Variants in CALB2 observed in about 807,000 individuals in gnomAD.
The protein encoded by CALB2 is calretinin.
In CALB2, 34 loss-of-function variants were observed where a neutral mutation model predicts 45.9. The observed-to-expected ratio is 0.74, with a 90% CI of 0.56 to 0.99. The LOEUF (loss-of-function observed/expected upper bound fraction) is 0.99. Among genes scored for constraint, CALB2 ranks in the 50% least tolerant of loss-of-function variants. The probability of loss-of-function intolerance (pLI) is 0.00; values close to 1 mark genes in which losing one functional copy is unlikely to be tolerated. For missense variants in CALB2, 344 were observed against 339.3 expected (o/e 1.01, Z -0.11); for synonymous variants, 142 against 129.6 (o/e 1.10, Z -0.65).
At chr16:71,377,593 T>C in intron 3 of CALB2, 74 bp from the exon 4 acceptor site, 2 of 1,053,046 alleles carry the variant, frequency 1.9e-6, no homozygotes, top group Non-Finnish European at 2.9e-6. Flanking sequence ...TTTCCATCCT[T>C]CTTAGGGGAA....
At chr16:71,384,190 C>T (rs1379201568) in intron 7 of CALB2, 149 bp from the exon 8 acceptor site, 1 of 1,000,252 alleles carries the variant, frequency 1.0e-6, no homozygotes, top group Non-Finnish European at 1.6e-6. Context: ...TTGTCTGTCT[C>T]CCTCGTTTTT....
chr16:71,364,493 G>A lies in CALB2; in HGVS notation c.94+5607G>A, dbSNP rs1301182825. Among the ~76,000 whole-genome samples, 8 of 152,276 alleles carry A rather than the reference G, an allele frequency of 5.3e-5. No individual in the cohort carries two copies. In the East Asian group the frequency reaches 5.8e-4, roughly 11 times the overall value. On this transcript the variant is annotated intron_variant, in intron 1 of 10. Coordinates refer to ENST00000302628, the MANE Select transcript of CALB2 (RefSeq NM_001740.5). Reference sequence around the variant, plus strand: ...AGTGCCTCTCCAGCCCCAGCCTGCCGGCGGATTGCATCCCAGGCCCTCCTT... The same window carrying A: ...AGTGCCTCTCCAGCCCCAGCCTGCCAGCGGATTGCATCCCAGGCCCTCCTT...
chr16:71,379,191 C>T (rs1034489224), intron 4 of CALB2, among the ~76,000 whole-genome samples: 4 of 152,026 alleles, frequency 2.6e-5, no homozygotes, highest in Non-Finnish European at 4.4e-5. Flanking sequence ...GCAGGAGAAT[C>T]GCTTGAACCA....
At chr16:71,387,105 G>C (rs1173481896) in intron 10 of CALB2, among the ~76,000 whole-genome samples, 1 of 152,182 alleles carries the variant, frequency 6.6e-6, no homozygotes, top group African/African-American at 2.4e-5. Context: ...TTGTCTTCAT[G>C]AGACTCTGTC....
At chr16:71,379,264 CTCTG>C (rs111228342) in intron 4 of CALB2, among the ~76,000 whole-genome samples, 33 of 145,088 alleles carry the variant, frequency 2.3e-4, no homozygotes, top group Admixed American at 4.3e-4. Flanking sequence ...GCGACAAAGA[CTCTG>C]TCTAATAAAT....
intron 1 of CALB2, among the ~76,000 whole-genome samples, chr16:71,363,023 C>T (rs371950525): frequency 3.3e-5 from 5 of 150,070 alleles, no homozygotes; most frequent in African/African-American, 1.2e-4. Flanking sequence ...CCCCCTACTA[C>T]AAATTTAAAA....
intron 4 of CALB2, among the ~76,000 whole-genome samples, chr16:71,382,133 A>G (rs2042503319): frequency 1.3e-5 from 1 of 77,628 alleles, no homozygotes; most frequent in Non-Finnish European, 3.1e-5. Context: ...AAAAGGAAGG[A>G]AGGAAAGAAG....
At chr16:71,367,158 G>A (rs1282721899) in intron 1 of CALB2, among the ~76,000 whole-genome samples, 1 of 152,192 alleles carries the variant, frequency 6.6e-6, no homozygotes, top group African/African-American at 2.4e-5. Flanking sequence ...AGGCACGGTA[G>A]TGGTGCGGAA....
intron 10 of CALB2, among the ~76,000 whole-genome samples, chr16:71,386,718 T>G (rs1018552546): frequency 6.6e-6 from 1 of 152,192 alleles, no homozygotes; most frequent in Non-Finnish European, 1.5e-5. Flanking sequence ...GCTCTACAAT[T>G]CCTTGAGTTG....
At chr16:71,387,768 G>T (rs1168593915) in intron 10 of CALB2, among the ~76,000 whole-genome samples, 1 of 152,120 alleles carries the variant, frequency 6.6e-6, no homozygotes, top group African/African-American at 2.4e-5. Flanking sequence ...CCCTTCCTTG[G>T]CTTCTGATTA....
intron 9 of CALB2, 60 bp from the exon 10 acceptor site, chr16:71,385,517 G>A: frequency 6.8e-7 from 1 of 1,479,558 alleles, no homozygotes; most frequent in South Asian, 1.1e-5. Flanking sequence ...CCCTGGAATG[G>A]GTCGGGACAG....
chr16:71,390,368 G>C lies in CALB2; in HGVS notation c.*503G>C, dbSNP rs2145012526. On this transcript the variant is annotated 3_prime_UTR_variant, in exon 11 of 11. Coordinates refer to ENST00000302628, the MANE Select transcript of CALB2 (RefSeq NM_001740.5). ...ACTCGGCGTGCTCCTTTTCTCTTTGGGTTTCTTGTTTACCAAAGAAGAGTT... is the reference window on the plus strand; with the variant it reads ...ACTCGGCGTGCTCCTTTTCTCTTTGCGTTTCTTGTTTACCAAAGAAGAGTT... 1 of 153,224 alleles carries C rather than the reference G, an allele frequency of 6.5e-6. No homozygotes were observed. Among genetic ancestry groups the C allele is most frequent in the South Asian group, 2.1e-4 (1 of 4,842 alleles). The allele number at this position is 153,224 out of a possible 1,614,324, so 9.5% of individuals were successfully genotyped here.
chr16:71,381,714 C>G (rs1047202532), intron 4 of CALB2, among the ~76,000 whole-genome samples: 1 of 151,816 alleles, frequency 6.6e-6, no homozygotes, highest in Non-Finnish European at 1.5e-5. Context: ...GAGAACAAAA[C>G]TTGAAAGAAA....
chr16:71,389,569 A>C, intron 10 of CALB2, 180 bp from the exon 11 acceptor site: 1 of 746,758 alleles, frequency 1.3e-6, no homozygotes, highest in Non-Finnish European at 2.5e-6. Flanking sequence ...TAAGTGAAAG[A>C]GAGGCTTTAA....
Position 71,383,438 on chromosome 16 carries a change from A to C in CALB2, c.471A>C (p.Gln157His). 1.2e-6 allele frequency: 2 copies of C among 1,614,038 alleles called. No homozygotes were observed. The highest frequency in any genetic ancestry group is 1.3e-5 in the African/African-American group (1 of 75,048). ...AGCCCAAGCTCCAGGAATACACCCA[A>C]ACCATAGTGAGTGAACAGAAGTGTC... ...YDEPKLQEYT[Q>H]TILRMFDLNG... The change falls in exon 6 of 11, where the codon CAA (glutamine) becomes CAC (histidine). Residue 157 changes from glutamine to histidine, a missense_variant. Physicochemically the swap from Gln to His is conservative, Grantham distance 24. Around this residue, in one of 3 missense-constraint regions of CALB2, gnomAD observed 263 missense variants for 241.7 expected, o/e 1.09. Transcript: ENST00000302628.
At chr16:71,374,881 G>A (rs541446343) in intron 3 of CALB2, 47 bp downstream of exon 3, 3 of 1,340,392 alleles carry the variant, frequency 2.2e-6, no homozygotes, top group South Asian at 1.2e-5. Context: ...GGGGCCCTGG[G>A]TCCCTGTGCC....
At chr16:71,388,341 AAAAAAAAAAAG>A (rs2042594059) in intron 10 of CALB2, among the ~76,000 whole-genome samples, 2 of 148,706 alleles carry the variant, frequency 1.3e-5, no homozygotes, top group Admixed American at 6.9e-5. Context: ...TCTCAAAAAA[AAAAAAAAAAAG>A]AAAAAGAAAA....
intron 4 of CALB2, among the ~76,000 whole-genome samples, chr16:71,378,043 C>A (rs1036471287): frequency 6.6e-6 from 1 of 151,614 alleles, no homozygotes; most frequent in African/African-American, 2.4e-5. Context: ...GCCAACATGG[C>A]AAAACCCCAT....
At chr16:71,384,493 ACACACACAAAACACAC>A in intron 8 of CALB2, 115 bp downstream of exon 8, 2 of 860,162 alleles carry the variant, frequency 2.3e-6, no homozygotes, top group South Asian at 1.3e-5. Flanking sequence ...CACACACCAC[ACACACACAAAACACAC>A]CACACACACA....
Sources: allele counts gnomAD v4.1 joint callset (sites outside exome capture counted in the v4.1 genomes callset), GRCh38; gene constraint gnomAD v4.1.1; regional missense constraint gnomAD v4.1.1; transcripts MANE v1.5; gene names NCBI Gene and HGNC (gene_info 2026-07-23, HGNC 2026-07-21).